Variants in NPAS1 observed in about 807,000 individuals in gnomAD.
NPAS1 encodes neuronal PAS domain protein 1.
Under a neutral mutation model 49.2 loss-of-function variants are expected in NPAS1, and 29 were observed. The observed-to-expected ratio is 0.59, with a 90% CI of 0.44 to 0.80. The LOEUF (loss-of-function observed/expected upper bound fraction) is 0.80, where lower values mean the gene tolerates loss of function less well. Ranked by LOEUF, NPAS1 falls within the 30% of genes least tolerant of loss-of-function variation. The pLI is 0.00. For missense variants in NPAS1, 825 were observed against 835.5 expected, an observed-to-expected ratio of 0.99 and a Z score of 0.15; for synonymous variants, 408 against 380.4, an observed-to-expected ratio of 1.07 and a Z score of -0.84.
At chr19:47,030,800 C>T (rs982237441) in intron 3 of NPAS1, among the ~76,000 whole-genome samples, 4 of 151,950 alleles carry the variant, frequency 2.6e-5, no homozygotes, top group African/African-American at 7.3e-5. Flanking sequence ...ATTATAGGCA[C>T]CCGCCATCAT....
intron 9 of NPAS1, 63 bp downstream of exon 9, chr19:47,040,613 C>CAGGGACCAGGGAG: frequency 8.5e-7 from 1 of 1,174,424 alleles, no homozygotes; most frequent in Non-Finnish European, 1.2e-6. Flanking sequence ...ATCCCACTCC[C>CAGGGACCAGGGAG]TGGTCCCTGG....
At chr19:47,042,771 A>C in intron 10 of NPAS1, 39 bp from the exon 11 acceptor site, 3 of 1,552,520 alleles carry the variant, frequency 1.9e-6, no homozygotes, top group Non-Finnish European at 2.6e-6. Context: ...TGAGAGGCCA[A>C]GGACCCCTGG....
chr19:47,030,199 T>A (rs888480796), intron 3 of NPAS1, among the ~76,000 whole-genome samples: 3 of 152,050 alleles, frequency 2.0e-5, no homozygotes, highest in African/African-American at 7.2e-5. Flanking sequence ...AATTTTTATA[T>A]TTTTAGTAGA....
At position 47,041,004 on chromosome 19, in the gene NPAS1, G is replaced by A. The variant is rs1406039236; in HGVS notation, c.1096G>A (p.Gly366Ser). 1 of 1,534,794 alleles carries A rather than the reference G, an allele frequency of 6.5e-7. No homozygotes were observed. Among genetic ancestry groups the A allele is most frequent in the South Asian group, 1.3e-5 (1 of 78,034 alleles). ...GCTGGACAAGGGTCAGGTGATGACT[G>A]GTTACTACCGTTGGCTGCAGCGTGC... is the stretch of plus-strand genomic sequence containing the variant. ...DLLDKGQVMT[G>S]YYRWLQRAGG... is the part of the protein sequence containing the mutation. The change falls in exon 10 of 12, where the codon GGT becomes AGT. Residue 366 changes from glycine to serine, a missense_variant. Gly to Ser is a moderately conservative substitution (Grantham distance 56). Coordinates refer to ENST00000602212, the MANE Select transcript of NPAS1 (RefSeq NM_002517.4).
At position 47,021,939 on chromosome 19, in the gene NPAS1, A is replaced by T. The variant is rs2056845142; in HGVS notation, c.358+92A>T. On this transcript the variant is annotated intron_variant, in intron 3 of 11. Coordinates refer to ENST00000602212, the MANE Select transcript of NPAS1 (RefSeq NM_002517.4). The surrounding 1 kb of genome is among the most constrained non-coding windows in gnomAD (Gnocchi z 5.7). ...GGGCTGCGGGCCTGCCCTCGCCCAG[A>T]TGCTTGTCTCTGGAGTCAGCCAGGA... is the stretch of plus-strand genomic sequence containing the variant. The T allele has an allele frequency of 2.4e-6, 2 of 816,788 alleles. No homozygotes were observed. Among genetic ancestry groups the T allele is most frequent in the Admixed American group, 3.9e-5 (1 of 25,618 alleles). 50.6% of individuals were successfully genotyped at this position (816,788 alleles called of 1,614,324 possible).
rs1410874532 is a variant in NPAS1 at position 47,036,137 on chromosome 19, T to C, written c.688+8T>C. ...CAGATACCCCCGAGATCGGTAATTC[T>C]AAGGGCTCCTAAAGAATGAAGTCTG... On this transcript the variant is annotated splice_region_variant and intron_variant, in intron 6 of 11. Coordinates refer to ENST00000602212, the MANE Select transcript of NPAS1 (RefSeq NM_002517.4). 6.4e-7 allele frequency: 1 copy of C among 1,552,834 alleles called. No individual in the cohort carries two copies.
Position 47,021,783 on chromosome 19 carries a change from C to CTGGGGG in NPAS1, c.294_295insTGGGGG (p.Arg98_Arg99insTrpGly). ...TCAGCGTCACCTACCTCCGCCTGCGCCGGTTCGCCGCGCTGGGGGCGCCGC... is the reference window on the plus strand; with the variant it reads ...TCAGCGTCACCTACCTCCGCCTGCGCTGGGGGCGGTTCGCCGCGCTGGGGGCGCCGC... On this transcript the variant is annotated inframe_insertion, in exon 3 of 12. Coordinates refer to ENST00000602212, the MANE Select transcript of NPAS1 (RefSeq NM_002517.4). The surrounding 1 kb of genome is among the most constrained non-coding windows in gnomAD (Gnocchi z 5.7). 6.5e-7 allele frequency: 1 copy of CTGGGGG among 1,533,122 alleles called. No homozygotes were observed. Among genetic ancestry groups the CTGGGGG allele is most frequent in the Non-Finnish European group, 8.8e-7 (1 of 1,140,774 alleles). The allele number at this position is 1,533,122 out of a possible 1,614,324, so 95.0% of individuals were successfully genotyped here.
intron 6 of NPAS1, among the ~76,000 whole-genome samples, chr19:47,038,574 C>T (rs10404135): frequency 0.19 from 28,839 of 149,998 alleles, 3,120 homozygotes; most frequent in East Asian, 0.44. Context: ...CACATGTAAT[C>T]GTAGCACCTT....
At chr19:47,037,425 A>G (rs2056968590) in intron 6 of NPAS1, among the ~76,000 whole-genome samples, 1 of 151,486 alleles carries the variant, frequency 6.6e-6, no homozygotes, top group Non-Finnish European at 1.5e-5. Context: ...TCCATTTTAC[A>G]TCAGAAAACT....
chr19:47,020,963 C>T, intron 1 of NPAS1, 43 bp from the exon 2 acceptor site: 2 of 1,224,556 alleles, frequency 1.6e-6, no homozygotes, highest in Non-Finnish European at 2.2e-6. Flanking sequence ...TAGAAGGTCT[C>T]CCGAGGGCAC....
intron 1 of NPAS1, 105 bp from the exon 2 acceptor site, chr19:47,020,901 C>G (rs1322955232): frequency 1.2e-5 from 5 of 404,722 alleles, no homozygotes; most frequent in South Asian, 1.0e-4. Context: ...CAGGCCCCCC[C>G]CCCCCCAGCT....
chr19:47,033,531 G>T (rs1240427127), intron 5 of NPAS1, among the ~76,000 whole-genome samples: 1 of 151,994 alleles, frequency 6.6e-6, no homozygotes, highest in Non-Finnish European at 1.5e-5. Flanking sequence ...GTGAGCCACC[G>T]CGCCCAGCCT....
chr19:47,044,071 A>T (rs2057049323), intron 11 of NPAS1, among the ~76,000 whole-genome samples: 1 of 151,960 alleles, frequency 6.6e-6, no homozygotes, highest in African/African-American at 2.4e-5. Context: ...GTCTCAAACA[A>T]ATTTATTTAT....
intron 4 of NPAS1, 65 bp downstream of exon 4, chr19:47,032,416 A>G (rs992376857): frequency 1.6e-5 from 25 of 1,530,100 alleles, no homozygotes; most frequent in Non-Finnish European, 2.2e-5. Context: ...TCTGGAGAAC[A>G]GCAGCCTCTT....
In NPAS1 at chr19:47,029,396, T is replaced by TTTATTA. The variant is rs36098515; in HGVS notation, c.359-2867_359-2862dup. On this transcript the variant is annotated intron_variant, in intron 3 of 11. Coordinates refer to ENST00000602212, the MANE Select transcript of NPAS1 (RefSeq NM_002517.4). ...ACTGCACCCGGCCTTAGTATTTTTA[T>TTTATTA]TTATTATTATTATTATTATTGAGAT... 2.3e-3 allele frequency among the ~76,000 whole-genome samples: 344 copies of TTTATTA among 147,532 alleles called. 5 individuals are homozygous for TTTATTA. Among genetic ancestry groups the TTTATTA allele is most frequent in the East Asian group, 1.6e-3 (8 of 5,010 alleles).
intron 10 of NPAS1, among the ~76,000 whole-genome samples, chr19:47,042,216 G>A (rs1300819378): frequency 2.0e-5 from 3 of 151,900 alleles, no homozygotes; most frequent in Non-Finnish European, 4.4e-5. Flanking sequence ...GGCTGAAGCA[G>A]GAGAATTACT....
At chr19:47,035,629 T>C (rs2056946059) in intron 5 of NPAS1, among the ~76,000 whole-genome samples, 1 of 152,146 alleles carries the variant, frequency 6.6e-6, no homozygotes, top group African/African-American at 2.4e-5. Flanking sequence ...CAGGGCACAG[T>C]TGTTTGCTGT....
At chr19:47,041,824 T>C (rs1230335566) in intron 10 of NPAS1, among the ~76,000 whole-genome samples, 1 of 148,430 alleles carries the variant, frequency 6.7e-6, no homozygotes, top group African/African-American at 2.5e-5. Flanking sequence ...AAAAAAAATT[T>C]TTTTAATTGG....
chr19:47,036,675 C>T (rs2122512732), intron 6 of NPAS1, among the ~76,000 whole-genome samples: 1 of 149,956 alleles, frequency 6.7e-6, no homozygotes, highest in East Asian at 2.0e-4. Context: ...AGTTTGAGAC[C>T]AGCCTGGCTT....
Sources: gnomAD v4.1 joint callset for allele counts (sites outside exome capture counted in the v4.1 genomes callset) on GRCh38, gnomAD v4.1.1 for gene constraint, Gnocchi (gnomAD v3.1) non-coding constraint, MANE v1.5 for transcripts, NCBI Gene and HGNC (gene_info 2026-07-23, HGNC 2026-07-21) for gene names.